The following GAD2 variants were observed in gnomAD, a reference collection of about 807,000 sequenced individuals.
GAD2 encodes the protein 65 kDa glutamic acid decarboxylase.
GAD2 carries 22 observed loss-of-function variants against 80.1 expected under a neutral mutation model. The ratio of observed to expected loss-of-function variants is 0.27; its 90% CI spans 0.20 to 0.39. The LOEUF (loss-of-function observed/expected upper bound fraction) is 0.39, where lower values mean the gene tolerates loss of function less well. Among genes scored for constraint, GAD2 ranks in the 10% least tolerant of loss-of-function variants. The probability of loss-of-function intolerance (pLI) is 1.00; values close to 1 mark genes in which losing one functional copy is unlikely to be tolerated. For synonymous variants in GAD2, 274 were observed against 256.9 expected (o/e 1.07, Z -0.64); for missense variants, 624 against 738.4 (o/e 0.85, Z 1.80).
Position 26,302,803 on chromosome 10 carries a change from C to G in GAD2, c.*1842C>G, listed in dbSNP as rs1428946767. 1 of 152,180 alleles carries G rather than the reference C, an allele frequency of 6.6e-6. No individual in the cohort carries two copies. The highest frequency in any genetic ancestry group is 1.9e-4 in the East Asian group (1 of 5,202). The allele number at this position is 152,180 out of a possible 1,614,324, so 9.4% of individuals were successfully genotyped here. ...GAACATGGCTTTGGGCCCTTTCTGT[C>G]TAGAAAAACAAATGGGTTCACTATG... On this transcript the variant is annotated 3_prime_UTR_variant, in exon 16 of 16. Transcript: ENST00000376261.
At chr10:26,246,873 C>T (rs1424340580) in intron 8 of GAD2, among the ~76,000 whole-genome samples, 2 of 152,124 alleles carry the variant, frequency 1.3e-5, no homozygotes, top group Non-Finnish European at 2.9e-5. Flanking sequence ...ATGCAACAGG[C>T]AGGAATTGAG....
At chr10:26,299,519 G>A (rs1476056855) in intron 15 of GAD2, among the ~76,000 whole-genome samples, 1 of 152,126 alleles carries the variant, frequency 6.6e-6, no homozygotes, top group East Asian at 1.9e-4. Context: ...CATGATTTAA[G>A]TTTTTGCTTC....
chr10:26,269,302 G>T, intron 9 of GAD2, 129 bp downstream of exon 9: 1 of 661,076 alleles, frequency 1.5e-6, no homozygotes, highest in African/African-American at 1.8e-5. Flanking sequence ...TGAGAACATA[G>T]AATTCTGCAT....
rs772307886 is a variant in GAD2, at chr10:26,224,574, T to C, written c.647T>C (p.Leu216Ser). The C allele has an allele frequency of 3.1e-6, 5 of 1,613,978 alleles. No homozygotes were observed. In the African/African-American group the frequency reaches 5.3e-5, roughly 17 times the overall value. ...TYEIAPVFVL[L>S]EYVTLKKMRE... ...GAAATTGCTCCAGTATTTGTGCTTT[T>C]GGAATATGTCACACTAAAGAAAATG... is the stretch of plus-strand genomic sequence containing the variant. The change falls in exon 6 of 16, where the codon TTG (leucine) becomes TCG (serine). Residue 216 changes from leucine to serine, a missense_variant. Physicochemically the swap from Leu to Ser is moderately radical, Grantham distance 145. Coordinates refer to ENST00000376261, the MANE Select transcript of GAD2 (RefSeq NM_001134366.2).
At chr10:26,219,899 C>G (rs1187996410) in intron 4 of GAD2, among the ~76,000 whole-genome samples, 1 of 152,110 alleles carries the variant, frequency 6.6e-6, no homozygotes, top group Non-Finnish European at 1.5e-5. Context: ...TGTGTTCCTC[C>G]CAGCCACTGT....
At chr10:26,262,892 G>T (rs537249772) in intron 8 of GAD2, among the ~76,000 whole-genome samples, 1 of 152,010 alleles carries the variant, frequency 6.6e-6, no homozygotes, top group African/African-American at 2.4e-5. Flanking sequence ...AGGGAAGAGG[G>T]ACGGTAGTTT....
At chr10:26,221,817 C>T (rs184834235) in intron 4 of GAD2, among the ~76,000 whole-genome samples, 9 of 152,342 alleles carry the variant, frequency 5.9e-5, no homozygotes, top group Non-Finnish European at 8.8e-5. Flanking sequence ...CAATGGCTGA[C>T]GCAGTGCGCT....
At chr10:26,229,927 G>C (rs1844578217) in intron 7 of GAD2, 150 bp downstream of exon 7, 3 of 608,354 alleles carry the variant, frequency 4.9e-6, no homozygotes, top group South Asian at 4.1e-5. Flanking sequence ...TGGTACTATG[G>C]GGTGTCCTCC....
chr10:26,219,063 G>A lies in GAD2; in HGVS notation c.307G>A (p.Gly103Arg). 6.3e-7 allele frequency: 1 copy of A among 1,585,882 alleles called. No homozygotes were observed. The highest frequency in any genetic ancestry group is 8.6e-7 in the Non-Finnish European group (1 of 1,165,180). ...TTTAGACCTGCTGCCGGCGTGTGATGGAGAAAGGCCCACTTTGGCGTTTCT... is the reference window on the plus strand; with the variant it reads ...TTTAGACCTGCTGCCGGCGTGTGATAGAGAAAGGCCCACTTTGGCGTTTCT... ...HATDLLPACD[G>R]ERPTLAFLQD... Residue 103 changes from glycine to arginine, a missense_variant, in exon 4 of 16, where the codon GGA becomes AGA. Gly to Arg is a moderately radical substitution (Grantham distance 125, BLOSUM62 -2). Coordinates refer to ENST00000376261, the MANE Select transcript of GAD2 (RefSeq NM_001134366.2).
intron 6 of GAD2, among the ~76,000 whole-genome samples, chr10:26,226,495 G>T (rs184980874): frequency 2.0e-5 from 3 of 152,320 alleles, no homozygotes; most frequent in Non-Finnish European, 4.4e-5. Flanking sequence ...AGCAGAAAAG[G>T]TCATTGCAAC....
At chr10:26,276,222 T>C (rs1471395441) in intron 11 of GAD2, among the ~76,000 whole-genome samples, 1 of 152,058 alleles carries the variant, frequency 6.6e-6, no homozygotes, top group Admixed American at 6.6e-5. Flanking sequence ...TGGAGCCCTT[T>C]CTGGCATCCC....
intron 11 of GAD2, among the ~76,000 whole-genome samples, chr10:26,275,020 G>A (rs1845182359): frequency 6.6e-6 from 1 of 152,230 alleles, no homozygotes; most frequent in Non-Finnish European, 1.5e-5. Flanking sequence ...GGGTCAGCCA[G>A]TGCCAGGCCT....
Position 26,300,822 on chromosome 10 carries a change from A to G in GAD2, c.1619A>G (p.Tyr540Cys), listed in dbSNP as rs756985845. The G allele has an allele frequency of 4.0e-5, 64 of 1,613,720 alleles. No individual in the cohort carries two copies. In the South Asian group the frequency reaches 6.1e-4, roughly 16 times the overall value. The change falls in exon 16 of 16, where the codon TAT becomes TGT. Residue 540 changes from tyrosine to cysteine, a missense_variant. Physicochemically the swap from Tyr to Cys is radical, Grantham distance 194 (BLOSUM62 -2). Transcript: ENST00000376261. ...APVIKARMMEYGTTMVSYQPL... is the reference protein window; with the variant it reads ...APVIKARMMECGTTMVSYQPL... The stretch of plus-strand genomic sequence containing the variant: ...GTGATTAAAGCCAGAATGATGGAGT[A>G]TGGAACCACAATGGTCAGCTACCAA...
intron 11 of GAD2, among the ~76,000 whole-genome samples, chr10:26,278,174 T>C (rs913199813): frequency 1.1e-4 from 16 of 152,100 alleles, no homozygotes; most frequent in Non-Finnish European, 1.9e-4. Flanking sequence ...CACGTAGAGA[T>C]AAACACCACA....
chr10:26,255,511 T>C (rs1844931578), intron 8 of GAD2, among the ~76,000 whole-genome samples: 1 of 151,346 alleles, frequency 6.6e-6, no homozygotes, highest in South Asian at 2.1e-4. Context: ...CAGGGTGGCT[T>C]TTGGCTTTGT....
At chr10:26,237,069 C>T (rs1355513958) in intron 7 of GAD2, among the ~76,000 whole-genome samples, 2 of 152,062 alleles carry the variant, frequency 1.3e-5, no homozygotes, top group Non-Finnish European at 2.9e-5. Context: ...TTATTCCTCC[C>T]TTCCTTTAGT....
At chr10:26,220,709 A>G (rs1844443138) in intron 4 of GAD2, among the ~76,000 whole-genome samples, 1 of 152,202 alleles carries the variant, frequency 6.6e-6, no homozygotes, top group African/African-American at 2.4e-5. Context: ...AGATACGTTA[A>G]TAGTAAATTG....
rs748110324 is a variant in GAD2, at chr10:26,218,551, T to TCTCTCTCACA, written c.287-491_287-490insTCTCTCACAC. 1.8e-3 allele frequency among the ~76,000 whole-genome samples: 211 copies of TCTCTCTCACA among 118,848 alleles called. 1 individual carries two copies. Among genetic ancestry groups the TCTCTCTCACA allele is most frequent in the African/African-American group, 6.1e-3 (198 of 32,322 alleles). 78.0% of individuals were successfully genotyped at this position (118,848 alleles called of 152,430 possible). A position where few individuals can be genotyped will look rare whatever the true frequency, so the allele number is the denominator to read the frequency against. On this transcript the variant is annotated intron_variant, in intron 3 of 15. Coordinates refer to ENST00000376261, the MANE Select transcript of GAD2 (RefSeq NM_001134366.2). Reference sequence around the variant, plus strand: ...CATGCATACGCTCTCTCTCTCTCTCTCACACACACACACACACACACACAC... The same window carrying TCTCTCTCACA: ...CATGCATACGCTCTCTCTCTCTCTCTCTCTCTCACACACACACACACACACACACACACAC...
intron 7 of GAD2, among the ~76,000 whole-genome samples, chr10:26,236,126 A>G (rs934529257): frequency 6.6e-6 from 1 of 151,752 alleles, no homozygotes; most frequent in African/African-American, 2.4e-5. Context: ...TTATTATTTT[A>G]TTTTGGAGAC....
Sources: allele counts gnomAD v4.1 joint callset (sites outside exome capture counted in the v4.1 genomes callset), GRCh38; gene constraint gnomAD v4.1.1; transcripts MANE v1.5; gene names NCBI Gene and HGNC (gene_info 2026-07-23, HGNC 2026-07-21).